Variants in WDR97 observed in about 807,000 individuals in gnomAD.
WDR97 encodes WD repeat-containing protein 97.
WDR97 carries 111 observed loss-of-function variants against 65.4 expected under a neutral mutation model. That is an observed-to-expected ratio of 1.70 (90% confidence interval 1.45 to 1.99). The LOEUF (loss-of-function observed/expected upper bound fraction) is 1.99. WDR97 is among the 30% of genes most tolerant of loss of function. The pLI, the probability that WDR97 is intolerant of heterozygous loss-of-function variation, is 0.00. For missense variants in WDR97, 1,674 were observed against 865.0 expected (o/e 1.94, Z -11.73); for synonymous variants, 802 against 397.7 (o/e 2.02, Z -12.10).
Position 144,108,702 on chromosome 8 carries a change from C to T in WDR97, c.636C>T (p.Leu212=), listed in dbSNP as rs1420024731. The change falls in exon 3 of 24, where the codon CTC becomes CTT. Residue 212 remains leucine, a synonymous_variant. Transcript: ENST00000323662. ...CGGTTCCCGACCTCAGGCTGCTGCT[C>T]GTTGCGGAGATGAACAGCAGCCTGG... ...CLPVPDLRLL[L]VAEMNSSLAL... 3 of 701,052 alleles carry T rather than the reference C, an allele frequency of 4.3e-6. No individual in the cohort carries two copies. Among genetic ancestry groups the T allele is most frequent in the African/African-American group, 1.7e-5 (1 of 57,334 alleles). The allele number at this position is 701,052 out of a possible 1,614,324, so 43.4% of individuals were successfully genotyped here.
chr8:144,109,435 G>T lies in WDR97; in HGVS notation c.1101G>T (p.Gln367His), dbSNP rs1288565128. 1.4e-6 allele frequency: 1 copy of T among 701,908 alleles called. No homozygotes were observed. Among genetic ancestry groups the T allele is most frequent in the Admixed American group, 2.0e-5 (1 of 49,968 alleles). 43.5% of individuals were successfully genotyped at this position (701,908 alleles called of 1,614,324 possible). A position where few individuals can be genotyped will look rare whatever the true frequency, so the allele number is the denominator to read the frequency against. The change falls in exon 5 of 24, where the codon CAG (glutamine) becomes CAT (histidine). Residue 367 changes from glutamine (Q) to histidine (H), a missense_variant. Transcript: ENST00000323662. ...CCTGGGACCTGCAGGCGGCGGCGCA[G>T]GTGGGCGAGGTAGCGCTGGGCTTCT... ...LRTWDLQAAA[Q>H]VGEVALGFWG...
chr8:144,108,426 A>T lies in WDR97; in HGVS notation c.360A>T (p.Gly120=). The change falls in exon 3 of 24, where the codon GGA becomes GGT. Residue 120 remains glycine, a synonymous_variant. Coordinates refer to ENST00000323662, the MANE Select transcript of WDR97 (RefSeq NM_001316309.2). The part of the protein sequence containing the change: ...LRSVAQDPVG[G]RFVVLDGAGR... ...CGGTGGCGCAGGACCCGGTGGGTGGACGCTTCGTGGTGCTGGACGGCGCGG... is the reference window on the plus strand; with the variant it reads ...CGGTGGCGCAGGACCCGGTGGGTGGTCGCTTCGTGGTGCTGGACGGCGCGG... 1.4e-6 allele frequency: 1 copy of T among 699,468 alleles called. No homozygotes were observed. The highest frequency in any genetic ancestry group is 2.6e-6 in the Non-Finnish European group (1 of 383,644). 43.3% of individuals were successfully genotyped at this position (699,468 alleles called of 1,614,324 possible).
chr8:144,115,365 G>C lies in WDR97; in HGVS notation c.4102G>C (p.Val1368Leu), dbSNP rs755373792. 25 of 609,972 alleles carry C rather than the reference G, an allele frequency of 4.1e-5. No homozygotes were observed. Among genetic ancestry groups the C allele is most frequent in the Non-Finnish European group, 6.8e-5 (23 of 338,246 alleles). 37.8% of individuals were successfully genotyped at this position (609,972 alleles called of 1,614,324 possible). ...LQETPSQTSV[V>L]SGAPTRASVI... ...GGAGACCCCATCGCAGACGTCAGTG[G>C]TCTCTGGGGCACCCACACGCGCCTC... Residue 1368 changes from valine (V) to leucine (L), a missense_variant, in exon 22 of 24, where the codon GTC becomes CTC. Physicochemically the swap from Val to Leu is conservative, Grantham distance 32. Transcript: ENST00000323662.
chr8:144,113,785 GGAGGAGGAGAAGGAAGAC>G lies in WDR97; in HGVS notation c.3319_3336del (p.Glu1107_Glu1112del), dbSNP rs1277144290. 1.4e-6 allele frequency: 1 copy of G among 702,780 alleles called. No homozygotes were observed. Among genetic ancestry groups the G allele is most frequent in the South Asian group, 1.5e-5 (1 of 67,524 alleles). 43.5% of individuals were successfully genotyped at this position (702,780 alleles called of 1,614,324 possible). The stretch of plus-strand genomic sequence containing the variant: ...AGGGGGAGGAAGACAAGAAGGAAGA[GGAGGAGGAGAAGGAAGAC>G]GAGGAGCTGGACTGGGCCTTGGCTT... On this transcript the variant is annotated inframe_deletion, in exon 17 of 24. Coordinates refer to ENST00000323662, the MANE Select transcript of WDR97 (RefSeq NM_001316309.2).
chr8:144,111,289 G>T (rs1268830178), intron 10 of WDR97, 67 bp downstream of exon 10: 16 of 702,602 alleles, frequency 2.3e-5, no homozygotes, highest in Non-Finnish European at 4.2e-5. Context: ...GGGCCTGGCG[G>T]TGTGGGGCCC....
rs1351972027 is a variant in WDR97, at chr8:144,109,638, C to T, written c.1304C>T (p.Pro435Leu). 1 of 678,008 alleles carries T rather than the reference C, an allele frequency of 1.5e-6. No individual in the cohort carries two copies. Among genetic ancestry groups the T allele is most frequent in the South Asian group, 1.5e-5 (1 of 65,160 alleles). The allele number at this position is 678,008 out of a possible 1,614,324, so 42.0% of individuals were successfully genotyped here. ...CACGTGCAGGTGGCGCCCGCGTTGC[C>T]CGCGCCTGCGCACCAGTCGCTGCCT... ...VLHVQVAPAL[P>L]APAHQSLPTR... The change falls in exon 5 of 24, where the codon CCC becomes CTC. Residue 435 changes from proline to leucine, a missense_variant. Transcript: ENST00000323662.
In WDR97 at chr8:144,115,410, T is replaced by C. The variant is rs1165073273; in HGVS notation, c.4147T>C (p.Ser1383Pro). ...TRASVIPSGT[S>P]WSASGIFGRL... is the part of the protein sequence containing the mutation. ...CGCCTCCGTGATACCCTCGGGCACC[T>C]CCTGGTCGGCCTCCGGCATCTTCGG... The change falls in exon 22 of 24, where the codon TCC becomes CCC. Residue 1383 changes from serine to proline, a missense_variant. By Grantham distance (74) the Ser-to-Pro change is moderately conservative. Transcript: ENST00000323662. 1 of 665,862 alleles carries C rather than the reference T, an allele frequency of 1.5e-6. No individual in the cohort carries two copies. Among genetic ancestry groups the C allele is most frequent in the Non-Finnish European group, 2.7e-6 (1 of 363,904 alleles). 41.2% of individuals were successfully genotyped at this position (665,862 alleles called of 1,614,324 possible).
In WDR97 at chr8:144,115,656, C is replaced by A; in HGVS notation, c.4393C>A (p.Pro1465Thr). Reference protein sequence around the residue: ...PAGPAQLPGEPPPLEETDWSH... With the variant: ...PAGPAQLPGETPPLEETDWSH... The stretch of plus-strand genomic sequence containing the variant: ...CGGGCCTGCTCAGCTGCCCGGAGAG[C>A]CGCCGCCGCTGGAGGAGACCGACTG... Residue 1465 changes from proline to threonine, a missense_variant, in exon 22 of 24, where the codon CCG becomes ACG. Pro to Thr is a conservative substitution (Grantham distance 38, BLOSUM62 -1). Transcript: ENST00000323662. 1.4e-6 allele frequency: 1 copy of A among 692,470 alleles called. No individual in the cohort carries two copies. The highest frequency in any genetic ancestry group is 2.6e-6 in the Non-Finnish European group (1 of 379,686). 42.9% of individuals were successfully genotyped at this position (692,470 alleles called of 1,614,324 possible).
Position 144,111,775 on chromosome 8 carries a change from C to A in WDR97, c.2631C>A (p.Gly877=). The A allele has an allele frequency of 1.5e-6, 1 of 686,384 alleles. No homozygotes were observed. The highest frequency in any genetic ancestry group is 1.5e-5 in the South Asian group (1 of 65,698). The allele number at this position is 686,384 out of a possible 1,614,324, so 42.5% of individuals were successfully genotyped here. A position where few individuals can be genotyped will look rare whatever the true frequency, so the allele number is the denominator to read the frequency against. ...DNYLRLIYGS[G]LLGMQSGRGS... is the part of the protein sequence containing the mutation. ...ACCTCCGTCTGATCTACGGCTCTGG[C>A]CTGCTGGTAGGTGTAGGGCCTCCCC... is the stretch of plus-strand genomic sequence containing the variant. The change falls in exon 12 of 24, where the codon GGC becomes GGA. Residue 877 remains glycine, a synonymous_variant. Transcript: ENST00000323662.
chr8:144,109,710 C>T lies in WDR97; in HGVS notation c.1376C>T (p.Ser459Leu), dbSNP rs1428888459. ...ACADGSVYLL[S>L]AATGRIVSSL... ...GCCGACGGCTCGGTCTACCTCCTGT[C>T]GGCGGCCACCGGGCGCATAGTGAGC... Residue 459 changes from serine (S) to leucine (L), a missense_variant, in exon 5 of 24, where the codon TCG (serine) becomes TTG (leucine). Transcript: ENST00000323662. 8.8e-6 allele frequency: 6 copies of T among 678,960 alleles called. No homozygotes were observed. The highest frequency in any genetic ancestry group is 1.6e-5 in the Non-Finnish European group (6 of 375,324). The allele number at this position is 678,960 out of a possible 1,614,324, so 42.1% of individuals were successfully genotyped here. A position where few individuals can be genotyped will look rare whatever the true frequency, so the allele number is the denominator to read the frequency against.
rs1421316436 is a variant in WDR97, at chr8:144,116,074, C to T, written c.4667-17C>T. 7.8e-6 allele frequency: 4 copies of T among 514,898 alleles called. No individual in the cohort carries two copies. The highest frequency in any genetic ancestry group is 1.4e-5 in the Non-Finnish European group (4 of 277,812). The allele number at this position is 514,898 out of a possible 1,614,324, so 31.9% of individuals were successfully genotyped here. ...CACCCCAGCCCCCGGGCCTCATAAG[C>T]CTCCGCCCGCCCCCAGGCCCCATGC... is the stretch of plus-strand genomic sequence containing the variant. On this transcript the variant is annotated splice_polypyrimidine_tract_variant and intron_variant, in intron 23 of 23. Transcript: ENST00000323662.
chr8:144,116,214 C>G lies in WDR97; in HGVS notation c.4790C>G (p.Pro1597Arg). The G allele has an allele frequency of 1.5e-6, 1 of 685,150 alleles. No homozygotes were observed. The highest frequency in any genetic ancestry group is 1.5e-5 in the South Asian group (1 of 65,864). The allele number at this position is 685,150 out of a possible 1,614,324, so 42.4% of individuals were successfully genotyped here. A position where few individuals can be genotyped will look rare whatever the true frequency, so the allele number is the denominator to read the frequency against. ...FPLDWPMPPR[P>R]LPPRLLQPAL... is the part of the protein sequence containing the mutation. ...CTGGACTGGCCTATGCCCCCGCGCCCGCTGCCCCCGCGGCTCCTGCAGCCG... is the reference window on the plus strand; with the variant it reads ...CTGGACTGGCCTATGCCCCCGCGCCGGCTGCCCCCGCGGCTCCTGCAGCCG... Residue 1597 changes from proline to arginine, a missense_variant, in exon 24 of 24, where the codon CCG becomes CGG. By Grantham distance (103) the Pro-to-Arg change is moderately radical. Transcript: ENST00000323662.
chr8:144,112,972 G>T, intron 15 of WDR97: 1 of 295,662 alleles, frequency 3.4e-6, no homozygotes, highest in South Asian at 5.5e-5. Flanking sequence ...TGCCCAGGCA[G>T]GCCTCAGCCC....
Position 144,113,976 on chromosome 8 carries a change from G to C in WDR97, c.3409-1G>C. Reference sequence around the variant, plus strand: ...ACCTGCAGCCACTGCTGCTCCCCTAGAGTGCTGTGGACTGGACCCAGGAGC... The same window carrying C: ...ACCTGCAGCCACTGCTGCTCCCCTACAGTGCTGTGGACTGGACCCAGGAGC... On this transcript the variant is annotated splice_acceptor_variant, in intron 17 of 23. Transcript: ENST00000323662. LOFTEE classifies it high-confidence loss of function. The C allele has an allele frequency of 2.8e-6, 2 of 702,300 alleles. No homozygotes were observed. The highest frequency in any genetic ancestry group is 1.5e-5 in the South Asian group (1 of 67,530). The allele number at this position is 702,300 out of a possible 1,614,324, so 43.5% of individuals were successfully genotyped here. A position where few individuals can be genotyped will look rare whatever the true frequency, so the allele number is the denominator to read the frequency against.
rs984844164 is a variant in WDR97, at chr8:144,114,139, T to C, written c.3571T>C (p.Leu1191=). The part of the protein sequence containing the change: ...FFIYQTWFKK[L]FPIFSLQAYP... ...CATCTACCAGACCTGGTTCAAAAAG[T>C]TGTTCCCCATCTTCAGCCTGCAGGT... The change falls in exon 18 of 24, where the codon TTG becomes CTG. Residue 1191 remains leucine, a synonymous_variant. Transcript: ENST00000323662. The C allele has an allele frequency of 1.4e-6, 1 of 702,780 alleles. No individual in the cohort carries two copies. Among genetic ancestry groups the C allele is most frequent in the African/African-American group, 1.7e-5 (1 of 57,392 alleles). The allele number at this position is 702,780 out of a possible 1,614,324, so 43.5% of individuals were successfully genotyped here.
At chr8:144,111,278 G>C in intron 10 of WDR97, 56 bp downstream of exon 10, 1 of 702,702 alleles carries the variant, frequency 1.4e-6, no homozygotes, top group Non-Finnish European at 2.6e-6. Flanking sequence ...ACTCTGGGTG[G>C]GGGCCTGGCG....
chr8:144,110,696 G>A lies in WDR97; in HGVS notation c.2128G>A (p.Asp710Asn). The change falls in exon 8 of 24, where the codon GAC becomes AAC. Residue 710 changes from aspartate to asparagine, a missense_variant. Coordinates refer to ENST00000323662, the MANE Select transcript of WDR97 (RefSeq NM_001316309.2). ...CAAACTGTATGCCTGCTCCAGCCTG[G>A]ACTGCACCGTTCGCATCTGGACTGC... ...TLKLYACSSL[D>N]CTVRIWTAEN... The A allele has an allele frequency of 1.4e-6, 1 of 701,532 alleles. No homozygotes were observed. 43.5% of individuals were successfully genotyped at this position (701,532 alleles called of 1,614,324 possible).
Position 144,109,700 on chromosome 8 carries a change from T to C in WDR97, c.1366T>C (p.Tyr456His), listed in dbSNP as rs1422034983. The C allele has an allele frequency of 8.9e-6, 6 of 677,684 alleles. No individual in the cohort carries two copies. Among genetic ancestry groups the C allele is most frequent in the Non-Finnish European group, 5.3e-6 (2 of 374,816 alleles). 42.0% of individuals were successfully genotyped at this position (677,684 alleles called of 1,614,324 possible). A position where few individuals can be genotyped will look rare whatever the true frequency, so the allele number is the denominator to read the frequency against. Residue 456 changes from tyrosine (Y) to histidine (H), a missense_variant, in exon 5 of 24, where the codon TAC becomes CAC. Transcript: ENST00000323662. ...LVCACADGSV[Y>H]LLSAATGRIV... ...GTGCGCGTGCGCCGACGGCTCGGTC[T>C]ACCTCCTGTCGGCGGCCACCGGGCG...
chr8:144,110,553 G>C lies in WDR97; in HGVS notation c.2056G>C (p.Asp686His). The change falls in exon 7 of 24, where the codon GAC becomes CAC. Residue 686 changes from aspartate to histidine, a missense_variant. By Grantham distance (81) the Asp-to-His change is moderately conservative (BLOSUM62 -1). Coordinates refer to ENST00000323662, the MANE Select transcript of WDR97 (RefSeq NM_001316309.2). ...TCCGCGATTAGACCACCGGCCCCAG[G>C]ACGACCCCACGGACCACATCACTGG... is the stretch of plus-strand genomic sequence containing the variant. The part of the protein sequence containing the change: ...DSPRLDHRPQ[D>H]DPTDHITGLC... 1 of 702,872 alleles carries C rather than the reference G, an allele frequency of 1.4e-6. No individual in the cohort carries two copies. Among genetic ancestry groups the C allele is most frequent in the Non-Finnish European group, 2.6e-6 (1 of 384,950 alleles). The allele number at this position is 702,872 out of a possible 1,614,324, so 43.5% of individuals were successfully genotyped here. A position where few individuals can be genotyped will look rare whatever the true frequency, so the allele number is the denominator to read the frequency against.
Sources: allele counts gnomAD v4.1 joint callset, GRCh38; gene constraint gnomAD v4.1.1; transcripts MANE v1.5; gene names NCBI Gene and HGNC (gene_info 2026-07-23, HGNC 2026-07-21).